The following SMARCC1 variants were observed in gnomAD, a reference collection of about 807,000 sequenced individuals.
SMARCC1 encodes SWI/SNF related BAF chromatin remodeling complex subunit C1.
A neutral mutation model predicts 147.4 loss-of-function variants in SMARCC1; 43 were observed. The observed-to-expected ratio is 0.29, with a 90% CI of 0.23 to 0.38. The LOEUF is 0.38. SMARCC1 is among the 10% of genes least tolerant of loss of function. The pLI is 1.00. For missense variants in SMARCC1, 1,119 were observed against 1,381.1 expected, an observed-to-expected ratio of 0.81 and a Z score of 3.01; for synonymous variants, 495 against 484.4, an observed-to-expected ratio of 1.02 and a Z score of -0.29.
intron 2 of SMARCC1, among the ~76,000 whole-genome samples, chr3:47,766,649 T>C (rs553850954): frequency 6.6e-6 from 1 of 152,318 alleles, no homozygotes; most frequent in South Asian, 2.1e-4. Flanking sequence ...TACTAAAGCC[T>C]TGGAGGGCTT....
chr3:47,710,619 GATT>G, intron 9 of SMARCC1, 61 bp downstream of exon 9: 2 of 1,538,146 alleles, frequency 1.3e-6, no homozygotes, highest in African/African-American at 2.8e-5. Flanking sequence ...TACTGATGAA[GATT>G]TAATAACATT....
intron 14 of SMARCC1, among the ~76,000 whole-genome samples, chr3:47,684,913 A>G (rs2033701868): frequency 6.6e-6 from 1 of 152,260 alleles, no homozygotes; most frequent in African/African-American, 2.4e-5. Context: ...ACACAGGACT[A>G]GATTAACAAA....
At position 47,701,290 on chromosome 3, in the gene SMARCC1, G is replaced by C; in HGVS notation, c.1153C>G (p.Leu385Val). ...TPVPNIEEVV[L>V]PKNVNLKKDS... The stretch of plus-strand genomic sequence containing the variant: ...GAAGAATACAAACCATTTTTGGGAA[G>C]TACTACTTCTTCTATATTGGGTACA... Residue 385 changes from leucine to valine, a missense_variant, in exon 11 of 28, where the codon CTT becomes GTT. Physicochemically the swap from Leu to Val is conservative, Grantham distance 32. This residue lies in a region of SMARCC1 where 542 missense variants were observed against 611.8 expected (regional missense o/e 0.89). Coordinates refer to ENST00000254480, the MANE Select transcript of SMARCC1 (RefSeq NM_003074.4). The C allele has an allele frequency of 1.2e-6, 2 of 1,612,636 alleles. No individual in the cohort carries two copies. The highest frequency in any genetic ancestry group is 1.7e-6 in the Non-Finnish European group (2 of 1,178,994).
intron 2 of SMARCC1, among the ~76,000 whole-genome samples, chr3:47,765,166 G>A (rs546345060): frequency 1.3e-5 from 2 of 152,182 alleles, no homozygotes; most frequent in Admixed American, 1.3e-4. Context: ...CAAGAGAACC[G>A]CTTGAACTCG....
At chr3:47,675,050 A>G (rs1360556401) in intron 18 of SMARCC1, among the ~76,000 whole-genome samples, 2 of 151,982 alleles carry the variant, frequency 1.3e-5, no homozygotes, top group Admixed American at 6.6e-5. Context: ...TCTATCTCAC[A>G]TATCTGTTCC....
intron 2 of SMARCC1, among the ~76,000 whole-genome samples, chr3:47,753,526 C>T (rs2034652847): frequency 6.6e-6 from 1 of 151,142 alleles, no homozygotes; most frequent in Admixed American, 6.6e-5. Flanking sequence ...CCTGCCTGGC[C>T]AAGGTGAAAC....
At chr3:47,661,525 AC>A in intron 20 of SMARCC1, 70 bp from the exon 21 acceptor site, 1 of 1,240,780 alleles carries the variant, frequency 8.1e-7, no homozygotes, top group Non-Finnish European at 1.1e-6. Flanking sequence ...TAAAACCACC[AC>A]CAGGAAACCC....
At chr3:47,599,673 G>A (rs1468038588) in intron 26 of SMARCC1, among the ~76,000 whole-genome samples, 1 of 152,128 alleles carries the variant, frequency 6.6e-6, no homozygotes, top group Admixed American at 6.5e-5. Flanking sequence ...TGGGGGAGAG[G>A]GGTCCAACAG....
chr3:47,755,788 C>CGAGACCA, intron 2 of SMARCC1, among the ~76,000 whole-genome samples: 1 of 151,368 alleles, frequency 6.6e-6, no homozygotes, highest in Non-Finnish European at 1.5e-5. Flanking sequence ...GTCAGGAGTT[C>CGAGACCA]GAGACCAGCC....
chr3:47,775,652 G>A, intron 1 of SMARCC1, among the ~76,000 whole-genome samples: 1 of 148,508 alleles, frequency 6.7e-6, no homozygotes, highest in East Asian at 2.0e-4. Context: ...CTTGCCTGTA[G>A]TCCCAGCTAC....
chr3:47,691,131 GATCCCTAATATTAATAAT>G (rs1272984321), intron 12 of SMARCC1, among the ~76,000 whole-genome samples: 1 of 152,048 alleles, frequency 6.6e-6, no homozygotes, highest in African/African-American at 2.4e-5. Flanking sequence ...AATTATATAT[GATCCCTAATATTAATAAT>G]ATCCCTAATA....
intron 21 of SMARCC1, among the ~76,000 whole-genome samples, chr3:47,659,750 GA>G (rs1285743822): frequency 1.5e-4 from 6 of 40,494 alleles, no homozygotes; most frequent in African/African-American, 3.1e-4. Flanking sequence ...AGTCTACTAA[GA>G]AAAAAAAAAG....
intron 3 of SMARCC1, among the ~76,000 whole-genome samples, chr3:47,739,133 G>A (rs1296124136): frequency 2.0e-5 from 3 of 152,160 alleles, no homozygotes; most frequent in Admixed American, 6.6e-5. Flanking sequence ...GACAGGAGTA[G>A]AGCTTAGTGA....
chr3:47,663,707 C>A (rs1410983548), intron 19 of SMARCC1: 7 of 1,494,160 alleles, frequency 4.7e-6, no homozygotes, highest in Non-Finnish European at 6.5e-6. Context: ...TTACAGGAAT[C>A]CAGAGAGTTT....
At chr3:47,629,701 T>C (rs1012639909) in intron 24 of SMARCC1, among the ~76,000 whole-genome samples, 14 of 152,114 alleles carry the variant, frequency 9.2e-5, no homozygotes, top group African/African-American at 2.2e-4. Context: ...AGCCGAGGCA[T>C]AGGCATATAA....
chr3:47,667,924 C>CT (rs2033443916), intron 19 of SMARCC1, among the ~76,000 whole-genome samples: 1 of 152,088 alleles, frequency 6.6e-6, no homozygotes, highest in Admixed American at 6.5e-5. Flanking sequence ...CGTCTGTAAT[C>CT]TAAGTACTCT....
chr3:47,597,106 G>A (rs1377310758), intron 26 of SMARCC1, among the ~76,000 whole-genome samples: 1 of 149,924 alleles, frequency 6.7e-6, no homozygotes, highest in African/African-American at 2.5e-5. Context: ...AGCTGAGACT[G>A]CGTCACTGCA....
At chr3:47,772,447 C>T (rs952091568) in intron 2 of SMARCC1, among the ~76,000 whole-genome samples, 1 of 152,096 alleles carries the variant, frequency 6.6e-6, no homozygotes, top group Non-Finnish European at 1.5e-5. Flanking sequence ...TATTCTCACA[C>T]AACTTCAGAA....
chr3:47,701,571 T>C, intron 10 of SMARCC1, 169 bp from the exon 11 acceptor site: 2 of 613,170 alleles, frequency 3.3e-6, no homozygotes, highest in Admixed American at 3.1e-5. Flanking sequence ...TCAGAGCACT[T>C]TGGGAGGCCG....
Sources: gnomAD v4.1 joint callset for allele counts (sites outside exome capture counted in the v4.1 genomes callset) on GRCh38, gnomAD v4.1.1 for gene constraint, gnomAD v4.1.1 regional missense constraint, MANE v1.5 for transcripts, NCBI Gene and HGNC (gene_info 2026-07-23, HGNC 2026-07-21) for gene names.